The following ATP6V0B variants were observed in gnomAD, a reference collection of about 807,000 sequenced individuals.
ATP6V0B encodes the protein ATPase H+ transporting V0 subunit b.
In ATP6V0B, 4 loss-of-function variants were observed where a neutral mutation model predicts 26.2. The observed-to-expected ratio is 0.15, with a 90% CI of 0.08 to 0.35. The LOEUF is 0.35. ATP6V0B is among the 10% of genes least tolerant of loss of function. The pLI is 1.00. For synonymous variants in ATP6V0B, 110 were observed against 105.8 expected, an observed-to-expected ratio of 1.04 and a Z score of -0.24; for missense variants, 175 against 272.5, an observed-to-expected ratio of 0.64 and a Z score of 2.52.
At chr1:43,975,231 G>A (rs1261168103) in intron 1 of ATP6V0B, 124 bp downstream of exon 1, 5 of 1,204,144 alleles carry the variant, frequency 4.2e-6, no homozygotes, top group Non-Finnish European at 5.7e-6. Flanking sequence ...AGGCTCTGGG[G>A]ACTTGCGCCT....
intron 7 of ATP6V0B, 107 bp from the exon 8 acceptor site, chr1:43,977,874 T>C: frequency 1.9e-6 from 3 of 1,612,520 alleles, no homozygotes; most frequent in Non-Finnish European, 2.5e-6. Flanking sequence ...CATATATCTC[T>C]TGTGGTCTGT....
At chr1:43,975,273 C>G (rs1417132939) in intron 1 of ATP6V0B, 166 bp downstream of exon 1, 32 of 852,262 alleles carry the variant, frequency 3.8e-5, no homozygotes, top group Non-Finnish European at 2.6e-5. Context: ...AAAGGAGACC[C>G]GGATTTCCAG....
At chr1:43,977,294 C>G (rs1266500312) in intron 7 of ATP6V0B, 78 bp downstream of exon 7, 6 of 1,612,622 alleles carry the variant, frequency 3.7e-6, no homozygotes, top group Non-Finnish European at 5.1e-6. Context: ...AGCTGAAGTG[C>G]TCTCCTTCTC....
At position 43,975,867 on chromosome 1, in the gene ATP6V0B, A is replaced by C; in HGVS notation, c.116+19A>C. The C allele has an allele frequency of 6.3e-7, 1 of 1,579,454 alleles. No homozygotes were observed. Among genetic ancestry groups the C allele is most frequent in the Non-Finnish European group, 8.6e-7 (1 of 1,161,270 alleles). On this transcript the variant is annotated intron_variant, in intron 2 of 7. Coordinates refer to ENST00000472174, the MANE Select transcript of ATP6V0B (RefSeq NM_004047.5). ...TGGCATGGTAAGGGAGGGCAGGGGG[A>C]GGATTCCCCTTGAAGCTTCTTCCCT...
rs752826674 is a variant in ATP6V0B at position 43,976,982 on chromosome 1, C to A, written c.401-44C>A. 2 of 1,600,962 alleles carry A rather than the reference C, an allele frequency of 1.2e-6. No homozygotes were observed. Among genetic ancestry groups the A allele is most frequent in the East Asian group, 4.5e-5 (2 of 44,658 alleles). On this transcript the variant is annotated intron_variant, in intron 6 of 7. Coordinates refer to ENST00000472174, the MANE Select transcript of ATP6V0B (RefSeq NM_004047.5). The surrounding 1 kb of genome is among the most constrained non-coding windows in gnomAD (Gnocchi z 4.6). ...TTGGCCCCATTAGCCCATATCTCCC[C>A]CATTCCTGGCTTAGCCTCACTGCAC... is the stretch of plus-strand genomic sequence containing the variant.
Position 43,978,024 on chromosome 1 carries a change from G to A in ATP6V0B, c.*17G>A. The A allele has an allele frequency of 6.2e-7, 1 of 1,614,164 alleles. No homozygotes were observed. Among genetic ancestry groups the A allele is most frequent in the Non-Finnish European group, 8.5e-7 (1 of 1,180,020 alleles). ...GGTGACTAGATGATATGTGTGGGTG[G>A]GGCCGTGCCTCACTTTTATTTATTG... On this transcript the variant is annotated 3_prime_UTR_variant, in exon 8 of 8. Transcript: ENST00000472174.
Position 43,976,447 on chromosome 1 carries a change from G to C in ATP6V0B, c.278+68G>C. 6.4e-7 allele frequency: 1 copy of C among 1,553,572 alleles called. No homozygotes were observed. The highest frequency in any genetic ancestry group is 8.8e-7 in the Non-Finnish European group (1 of 1,132,696). On this transcript the variant is annotated intron_variant, in intron 4 of 7. Transcript: ENST00000472174. This position sits in a 1 kb window ranked among gnomAD's most constrained non-coding sequence, Gnocchi z 4.6. ...TTGGCGCTGCCTGTGTGTTTGATCT[G>C]ACATACTGTTTCTGACAAGCCACCT...
rs760396755 is a variant in ATP6V0B, at chr1:43,976,838, C to T, written c.400+14C>T. 69 of 1,613,862 alleles carry T rather than the reference C, an allele frequency of 4.3e-5. No homozygotes were observed. Among genetic ancestry groups the T allele is most frequent in the Non-Finnish European group, 5.4e-5 (64 of 1,179,880 alleles). ...ACTACCATGCAGGTGGGTGGATGGG[C>T]GTATGAATGCAAAATGCTGGGACTT... On this transcript the variant is annotated intron_variant, in intron 6 of 7. Coordinates refer to ENST00000472174, the MANE Select transcript of ATP6V0B (RefSeq NM_004047.5). The surrounding 1 kb of genome is among the most constrained non-coding windows in gnomAD (Gnocchi z 4.6).
chr1:43,977,354 T>C, intron 7 of ATP6V0B, 138 bp downstream of exon 7: 5 of 1,552,202 alleles, frequency 3.2e-6, no homozygotes, highest in Non-Finnish European at 4.3e-6. Flanking sequence ...CTCATTTCCA[T>C]CTTCTGGTTT....
rs2085513800 is a variant in ATP6V0B at position 43,975,843 on chromosome 1, G to T, written c.111G>T (p.Val37=). 1 of 1,599,384 alleles carries T rather than the reference G, an allele frequency of 6.3e-7. No homozygotes were observed. Among genetic ancestry groups the T allele is most frequent in the African/African-American group, 1.3e-5 (1 of 74,338 alleles). ...TTGATTTGGGCTTCCGCTTTGATGT[G>T]GCATGGTAAGGGAGGGCAGGGGGAG... The part of the protein sequence containing the change: ...TIFDLGFRFD[V]AWFLTETSPF... The change falls in exon 2 of 8, where the codon GTG becomes GTT. Residue 37 remains valine, a synonymous_variant. Transcript: ENST00000472174.
chr1:43,975,341 G>A, intron 1 of ATP6V0B: 1 of 591,982 alleles, frequency 1.7e-6, no homozygotes, highest in East Asian at 3.2e-5. Flanking sequence ...CCCCCGTCCT[G>A]CCACTATCGC....
rs1475775459 is a variant in ATP6V0B, at chr1:43,975,866, G to A, written c.116+18G>A. ...GTGGCATGGTAAGGGAGGGCAGGGG[G>A]AGGATTCCCCTTGAAGCTTCTTCCC... On this transcript the variant is annotated intron_variant, in intron 2 of 7. Coordinates refer to ENST00000472174, the MANE Select transcript of ATP6V0B (RefSeq NM_004047.5). The A allele has an allele frequency of 3.2e-6, 5 of 1,583,268 alleles. No individual in the cohort carries two copies. Among genetic ancestry groups the A allele is most frequent in the Non-Finnish European group, 4.3e-6 (5 of 1,163,194 alleles).
chr1:43,976,063 C>T lies in ATP6V0B; in HGVS notation c.117-27C>T. The T allele has an allele frequency of 1.9e-6, 3 of 1,608,720 alleles. No individual in the cohort carries two copies. The highest frequency in any genetic ancestry group is 2.6e-6 in the Non-Finnish European group (3 of 1,175,148). On this transcript the variant is annotated intron_variant, in intron 2 of 7. Transcript: ENST00000472174. This position sits in a 1 kb window ranked among gnomAD's most constrained non-coding sequence, Gnocchi z 4.6. The stretch of plus-strand genomic sequence containing the variant: ...GCTCCGCTTCCCTGCTAGAGCTGAA[C>T]TGCTTTCTTCTCTGCTTCCACAACA...
intron 7 of ATP6V0B, 63 bp from the exon 8 acceptor site, chr1:43,977,918 C>A (rs1314437280): frequency 6.2e-7 from 1 of 1,614,090 alleles, no homozygotes; most frequent in East Asian, 2.2e-5. Context: ...CATCTTCTAT[C>A]ATTTGTCACT....
chr1:43,976,297 A>G lies in ATP6V0B; in HGVS notation c.201-5A>G. 6.2e-7 allele frequency: 1 copy of G among 1,613,466 alleles called. No individual in the cohort carries two copies. The highest frequency in any genetic ancestry group is 8.5e-7 in the Non-Finnish European group (1 of 1,179,666). ...CTGCTCATCAGTTTTTTATCCTTCC[A>G]CCAGGGGCATCTATATTACCGGCTC... On this transcript the variant is annotated splice_region_variant and splice_polypyrimidine_tract_variant and intron_variant, in intron 3 of 7. Coordinates refer to ENST00000472174, the MANE Select transcript of ATP6V0B (RefSeq NM_004047.5). This position sits in a 1 kb window ranked among gnomAD's most constrained non-coding sequence, Gnocchi z 4.6.
chr1:43,977,087 C>T lies in ATP6V0B; in HGVS notation c.462C>T (p.Cys154=), dbSNP rs760124686. ...TGTCTAACCTCTTCTGTGGAGTCTGCGTGGGCATCGTGGGCAGTGGGGCTG... is the reference window on the plus strand; with the variant it reads ...TGTCTAACCTCTTCTGTGGAGTCTGTGTGGGCATCGTGGGCAGTGGGGCTG... ...VGLSNLFCGV[C]VGIVGSGAAL... Residue 154 remains cysteine (C), a synonymous_variant, in exon 7 of 8, where the codon TGC becomes TGT. Coordinates refer to ENST00000472174, the MANE Select transcript of ATP6V0B (RefSeq NM_004047.5). The T allele has an allele frequency of 1.4e-5, 23 of 1,613,988 alleles. No homozygotes were observed. The Admixed American group carries it at 1.5e-4, about 11-fold the overall frequency.
Position 43,977,182 on chromosome 1 carries a change from T to C in ATP6V0B, c.557T>C (p.Ile186Thr). ...ILIVEIFGSA[I>T]GLFGVIVAIL... ...ATCGTGGAGATCTTTGGCAGCGCCATTGGCCTCTTTGGGGTCATCGTCGCA... is the reference window on the plus strand; with the variant it reads ...ATCGTGGAGATCTTTGGCAGCGCCACTGGCCTCTTTGGGGTCATCGTCGCA... The change falls in exon 7 of 8, where the codon ATT becomes ACT. Residue 186 changes from isoleucine (I) to threonine (T), a missense_variant. Ile to Thr is a moderately conservative substitution (Grantham distance 89). Coordinates refer to ENST00000472174, the MANE Select transcript of ATP6V0B (RefSeq NM_004047.5). 1 of 1,614,274 alleles carries C rather than the reference T, an allele frequency of 6.2e-7. No homozygotes were observed. Among genetic ancestry groups the C allele is most frequent in the Non-Finnish European group, 8.5e-7 (1 of 1,180,052 alleles).
chr1:43,977,791 G>C, intron 7 of ATP6V0B, 190 bp from the exon 8 acceptor site: 1 of 1,527,326 alleles, frequency 6.5e-7, no homozygotes, highest in South Asian at 1.3e-5. Flanking sequence ...CTCTCCGTCT[G>C]TCCCACAGCG....
Position 43,974,975 on chromosome 1 carries a change from C to T in ATP6V0B, c.-66C>T, listed in dbSNP as rs1416708433. ...GCGGGCGGACAGACTGCGGGACGGACGGTGGACGCTGGGACGCGTTTGTAG... is the reference window on the plus strand; with the variant it reads ...GCGGGCGGACAGACTGCGGGACGGATGGTGGACGCTGGGACGCGTTTGTAG... On this transcript the variant is annotated 5_prime_UTR_variant, in exon 1 of 8. It adds an upstream start codon to the 5' untranslated region. Transcript: ENST00000472174. 5.1e-6 allele frequency: 6 copies of T among 1,183,362 alleles called. No homozygotes were observed. In the Admixed American group the frequency reaches 1.7e-4, roughly 33 times the overall value. The allele number at this position is 1,183,362 out of a possible 1,614,324, so 73.3% of individuals were successfully genotyped here.
Sources: gnomAD v4.1 joint callset for allele counts on GRCh38, gnomAD v4.1.1 for gene constraint, Gnocchi (gnomAD v3.1) non-coding constraint, MANE v1.5 for transcripts, NCBI Gene and HGNC (gene_info 2026-07-23, HGNC 2026-07-21) for gene names.